Variants in ABLIM2 observed in about 807,000 individuals in gnomAD.
The protein encoded by ABLIM2 is actin binding LIM protein family member 2, also known as actin-binding LIM protein 2.
In ABLIM2, 53 loss-of-function variants were observed where a neutral mutation model predicts 97.7. The observed-to-expected ratio is 0.54, with a 90% CI of 0.44 to 0.68. The LOEUF is 0.68. Ranked by LOEUF, ABLIM2 falls within the 30% of genes least tolerant of loss-of-function variation. The pLI, the probability that ABLIM2 is intolerant of heterozygous loss-of-function variation, is 0.00. For missense variants in ABLIM2, 835 were observed against 867.2 expected (o/e 0.96, Z 0.47); for synonymous variants, 361 against 345.8 (o/e 1.04, Z -0.49).
Position 8,008,134 on chromosome 4 carries a change from T to C in ABLIM2, c.1543A>G (p.Thr515Ala). ...DTRTNSPDLD[T>A]QSLSHSSGTD... ...CCGCTGCTGTGGGACAAGGACTGGG[T>C]GTCCAGGTCTGGAGAATTGGTCCTT... Residue 515 changes from threonine to alanine, a missense_variant, in exon 16 of 21, where the codon ACC becomes GCC. Physicochemically the swap from Thr to Ala is moderately conservative, Grantham distance 58. Coordinates refer to ENST00000447017, the MANE Select transcript of ABLIM2 (RefSeq NM_001130083.2). 3 of 1,614,010 alleles carry C rather than the reference T, an allele frequency of 1.9e-6. No individual in the cohort carries two copies. The highest frequency in any genetic ancestry group is 2.5e-6 in the Non-Finnish European group (3 of 1,179,892).
intron 1 of ABLIM2, among the ~76,000 whole-genome samples, chr4:8,133,640 C>G (rs1849752593): frequency 6.6e-6 from 1 of 152,212 alleles, no homozygotes; most frequent in African/African-American, 2.4e-5. Context: ...GTCCCGCTCT[C>G]CTCGCCCCTC....
chr4:8,029,761 G>A lies in ABLIM2; in HGVS notation c.1063C>T (p.Arg355Trp), dbSNP rs536197433. The change falls in exon 11 of 21, where the codon CGG becomes TGG. Residue 355 changes from arginine to tryptophan, a missense_variant. Coordinates refer to ENST00000447017, the MANE Select transcript of ABLIM2 (RefSeq NM_001130083.2). Reference protein sequence around the residue: ...QSYGEGDQDDRSYKQCRTSSP... With the variant: ...QSYGEGDQDDWSYKQCRTSSP... ...GAGGTCCGACACTGCTTGTAGGACC[G>A]GTCATCCTGATCCCCCTGGGAGGGA... 12 of 1,569,076 alleles carry A rather than the reference G, an allele frequency of 7.6e-6. No homozygotes were observed. Among genetic ancestry groups the A allele is most frequent in the Admixed American group, 5.6e-5 (3 of 53,680 alleles).
chr4:8,070,043 GTGTA>G (rs1387443817), intron 6 of ABLIM2, among the ~76,000 whole-genome samples: 54 of 152,134 alleles, frequency 3.5e-4, no homozygotes, highest in Middle Eastern at 3.4e-3. Flanking sequence ...TGCTTTGTGT[GTGTA>G]TGTATCTGTG....
rs565498382 is a variant in ABLIM2 at position 8,065,111 on chromosome 4, G to T, written c.676-4057C>A. 6.6e-5 allele frequency among the ~76,000 whole-genome samples: 10 copies of T among 152,238 alleles called. No homozygotes were observed. In the South Asian group the frequency reaches 1.5e-3, roughly 22 times the overall value. On this transcript the variant is annotated intron_variant, in intron 6 of 20. Coordinates refer to ENST00000447017, the MANE Select transcript of ABLIM2 (RefSeq NM_001130083.2). Reference sequence around the variant, plus strand: ...CAAAAAAAATTGAAAAATTAGCCAGGCATGGTGGCTTGCACCTGTAGTCCC... The same window carrying T: ...CAAAAAAAATTGAAAAATTAGCCAGTCATGGTGGCTTGCACCTGTAGTCCC...
chr4:8,030,721 C>G (rs1780428800), intron 10 of ABLIM2, among the ~76,000 whole-genome samples: 1 of 152,240 alleles, frequency 6.6e-6, no homozygotes, highest in Non-Finnish European at 1.5e-5. Flanking sequence ...CCTCTCTACC[C>G]CGGGCGTCCT....
At position 8,029,691 on chromosome 4, in the gene ABLIM2, G is replaced by A. The variant is rs1211412398; in HGVS notation, c.1133C>T (p.Pro378Leu). 7 of 1,550,862 alleles carry A rather than the reference G, an allele frequency of 4.5e-6. No individual in the cohort carries two copies. In the African/African-American group the frequency reaches 6.8e-5, roughly 15 times the overall value. The change falls in exon 11 of 21, where the codon CCG becomes CTG. Residue 378 changes from proline to leucine, a missense_variant. By Grantham distance (98) the Pro-to-Leu change is moderately conservative. Coordinates refer to ENST00000447017, the MANE Select transcript of ABLIM2 (RefSeq NM_001130083.2). ...TGSVSLGRYT[P>L]TSRSPQHYSR... ...GTAGTGCTGTGGTGACCGTGAGGTCGGAGTGTAGCGCCCGAGGCTAACCGA... is the reference window on the plus strand; with the variant it reads ...GTAGTGCTGTGGTGACCGTGAGGTCAGAGTGTAGCGCCCGAGGCTAACCGA...
intron 8 of ABLIM2, among the ~76,000 whole-genome samples, chr4:8,047,811 A>G (rs1197576748): frequency 6.6e-6 from 1 of 152,248 alleles, no homozygotes; most frequent in African/African-American, 2.4e-5. Flanking sequence ...TGAGGTGCTT[A>G]GCACTGAAAA....
chr4:8,148,268 G>C lies in ABLIM2; in HGVS notation c.10+10412C>G, dbSNP rs1021765876. 1.3e-5 allele frequency among the ~76,000 whole-genome samples: 2 copies of C among 152,226 alleles called. No individual in the cohort carries two copies. Among genetic ancestry groups the C allele is most frequent in the Non-Finnish European group, 2.9e-5 (2 of 68,046 alleles). ...AAGGGCCCAGTGTGTCTGGAGGGGA[G>C]AGGATGAGCTGGTGGATGAGAGGGC... On this transcript the variant is annotated intron_variant, in intron 1 of 20. Coordinates refer to ENST00000447017, the MANE Select transcript of ABLIM2 (RefSeq NM_001130083.2). The surrounding 1 kb of genome is among the most constrained non-coding windows in gnomAD (Gnocchi z 6.7).
At position 8,147,015 on chromosome 4, in the gene ABLIM2, G is replaced by A. The variant is rs1477834383; in HGVS notation, c.10+11665C>T. ...TGTTCTGCGGTTGGACATTTACGTT[G>A]CAGAGCATGTAACCCCTGCAATCAA... On this transcript the variant is annotated intron_variant, in intron 1 of 20. Coordinates refer to ENST00000447017, the MANE Select transcript of ABLIM2 (RefSeq NM_001130083.2). This position sits in a 1 kb window ranked among gnomAD's most constrained non-coding sequence, Gnocchi z 5.3. 1.3e-5 allele frequency among the ~76,000 whole-genome samples: 2 copies of A among 152,178 alleles called. No homozygotes were observed. The highest frequency in any genetic ancestry group is 4.8e-5 in the African/African-American group (2 of 41,428).
chr4:7,992,798 T>C lies in ABLIM2; in HGVS notation c.1680+68A>G, dbSNP rs1749934647. The C allele has an allele frequency of 1.9e-5, 30 of 1,545,396 alleles. No homozygotes were observed. The highest frequency in any genetic ancestry group is 2.2e-5 in the Non-Finnish European group (25 of 1,129,708). ...TCCTCCTGCTGTGTGGTCAAGAAGC[T>C]GTGGGAAACGTGCTCAGCCTCACAG... On this transcript the variant is annotated intron_variant, in intron 17 of 20. Coordinates refer to ENST00000447017, the MANE Select transcript of ABLIM2 (RefSeq NM_001130083.2). This position sits in a 1 kb window ranked among gnomAD's most constrained non-coding sequence, Gnocchi z 5.7.
At position 8,017,298 on chromosome 4, in the gene ABLIM2, ATTATTT is replaced by A. The variant is rs551789109; in HGVS notation, c.1423+2314_1423+2319del. 5.8e-3 allele frequency among the ~76,000 whole-genome samples: 849 copies of A among 145,410 alleles called. 6 individuals are homozygous for A. The highest frequency in any genetic ancestry group is 0.02 in the African/African-American group (783 of 39,286). Reference sequence around the variant, plus strand: ...TTCCCTATTTATTATTATTATTATTATTATTTTTTTTTTTCAGAGAGAGTCTCACTC... The same window carrying A: ...TTCCCTATTTATTATTATTATTATTATTTTTTTTCAGAGAGAGTCTCACTC... On this transcript the variant is annotated intron_variant, in intron 14 of 20. Transcript: ENST00000447017.
intron 1 of ABLIM2, among the ~76,000 whole-genome samples, chr4:8,134,144 G>A (rs1287669062): frequency 1.3e-5 from 2 of 152,184 alleles, no homozygotes; most frequent in African/African-American, 2.4e-5. Flanking sequence ...CAGAGGCTCC[G>A]AGGCCAGGCG....
chr4:8,112,586 G>A lies in ABLIM2; in HGVS notation c.11-5949C>T, dbSNP rs1011973158. Among the ~76,000 whole-genome samples, 10 of 152,174 alleles carry A rather than the reference G, an allele frequency of 6.6e-5. No individual in the cohort carries two copies. Among genetic ancestry groups the A allele is most frequent in the Admixed American group, 1.3e-4 (2 of 15,274 alleles). On this transcript the variant is annotated intron_variant, in intron 1 of 20. Transcript: ENST00000447017. The surrounding 1 kb of genome is among the most constrained non-coding windows in gnomAD (Gnocchi z 4.2). ...AAAACGATGACTCTGAGGTCTACTC[G>A]AGGTTTCCCAGTCCAGAGCGGGAGT...
intron 10 of ABLIM2, among the ~76,000 whole-genome samples, chr4:8,034,974 G>A (rs1298693298): frequency 7.8e-6 from 1 of 128,210 alleles, no homozygotes; most frequent in Admixed American, 7.8e-5. Context: ...GGGTACGGGT[G>A]GGTGGTGGGT....
intron 18 of ABLIM2, among the ~76,000 whole-genome samples, chr4:7,984,436 T>C (rs1741697379): frequency 6.6e-6 from 1 of 152,204 alleles, no homozygotes; most frequent in Non-Finnish European, 1.5e-5. Context: ...AACCTCCTAG[T>C]AGCCCTGCTG....
At chr4:8,144,969 T>G (rs1366262221) in intron 1 of ABLIM2, among the ~76,000 whole-genome samples, 5 of 152,256 alleles carry the variant, frequency 3.3e-5, no homozygotes, top group Non-Finnish European at 5.9e-5. Context: ...ACTGAGTGGG[T>G]GTTCTGAGAG....
intron 16 of ABLIM2, among the ~76,000 whole-genome samples, chr4:7,997,404 TTTCTTCCTCCTCTC>T (rs556050038): frequency 1.9e-4 from 29 of 152,174 alleles, no homozygotes; most frequent in Non-Finnish European, 3.7e-4. Context: ...TCAAACCCAT[TTTCTTCCTCCTCTC>T]TTCCTAGGAA....
intron 5 of ABLIM2, among the ~76,000 whole-genome samples, chr4:8,078,864 G>A (rs948222494): frequency 2.2e-4 from 33 of 152,236 alleles, no homozygotes; most frequent in African/African-American, 7.7e-4. Flanking sequence ...ACGTGTGGGG[G>A]TGACTGGCAC....
At chr4:8,135,574 G>A (rs1031119160) in intron 1 of ABLIM2, among the ~76,000 whole-genome samples, 1 of 152,214 alleles carries the variant, frequency 6.6e-6, no homozygotes, top group Non-Finnish European at 1.5e-5. Flanking sequence ...GAACCAGGAA[G>A]CAGTCCTTTC....
Sources: allele counts gnomAD v4.1 joint callset (sites outside exome capture counted in the v4.1 genomes callset), GRCh38; gene constraint gnomAD v4.1.1; non-coding constraint Gnocchi (gnomAD v3.1); transcripts MANE v1.5; gene names NCBI Gene and HGNC (gene_info 2026-07-23, HGNC 2026-07-21).